Variants in CHIC2 observed in about 807,000 individuals in gnomAD.
The protein encoded by CHIC2 is cysteine rich hydrophobic domain 2.
Under a neutral mutation model 25.9 loss-of-function variants are expected in CHIC2, and 14 were observed. The observed-to-expected ratio is 0.54, with a 90% CI of 0.36 to 0.85. CHIC2 has a LOEUF of 0.85. Ranked by LOEUF, CHIC2 falls within the 40% of genes least tolerant of loss-of-function variation. The pLI is 0.01. For synonymous variants in CHIC2, 70 were observed against 72.0 expected (o/e 0.97, Z 0.14); for missense variants, 146 against 202.0 (o/e 0.72, Z 1.68).
intron 1 of CHIC2, chr4:54,060,962 C>G (rs1717316162): frequency 1.3e-5 from 2 of 152,048 alleles, no homozygotes; most frequent in South Asian, 2.1e-4. Context: ...CCACTTTCCT[C>G]AAAATATGCT....
chr4:54,027,527 C>G (rs1282086533), intron 3 of CHIC2, among the ~76,000 whole-genome samples: 1 of 152,142 alleles, frequency 6.6e-6, no homozygotes, highest in African/African-American at 2.4e-5. Flanking sequence ...ATGTATTCAT[C>G]TAGTTATGAG....
the CHIC2 span, among the ~76,000 whole-genome samples, chr4:54,078,533 T>A: frequency 6.6e-6 from 1 of 152,274 alleles, no homozygotes; most frequent in East Asian, 1.9e-4. Flanking sequence ...TTTATTGTTT[T>A]GAGACAGAGT....
the CHIC2 span, among the ~76,000 whole-genome samples, chr4:54,085,964 G>A: frequency 6.6e-6 from 1 of 151,458 alleles, no homozygotes; most frequent in African/African-American, 2.4e-5. Context: ...AAAACAAAAA[G>A]TCCTATCTAG....
chr4:54,031,426 C>T (rs1332020735), intron 3 of CHIC2, among the ~76,000 whole-genome samples: 2 of 152,008 alleles, frequency 1.3e-5, no homozygotes, highest in Non-Finnish European at 2.9e-5. Flanking sequence ...CAGATGAATA[C>T]ATTTATTCAA....
intron 1 of CHIC2, among the ~76,000 whole-genome samples, chr4:54,058,728 T>C (rs1346248024): frequency 1.3e-5 from 2 of 152,154 alleles, no homozygotes; most frequent in South Asian, 4.1e-4. Flanking sequence ...ACACAGCTAT[T>C]AGAGATTTGA....
the CHIC2 span, among the ~76,000 whole-genome samples, chr4:54,090,056 T>C: frequency 1.3e-5 from 2 of 152,196 alleles, no homozygotes; most frequent in Non-Finnish European, 2.9e-5. Flanking sequence ...TCTTCCAAGA[T>C]ATCTCATTAT....
At chr4:54,047,804 A>T (rs979456775) in intron 3 of CHIC2, among the ~76,000 whole-genome samples, 20 of 151,998 alleles carry the variant, frequency 1.3e-4, no homozygotes, top group Admixed American at 9.2e-4. Flanking sequence ...TATAATAATT[A>T]AAAAAAAGAA....
chr4:54,072,235 G>A, the CHIC2 span, among the ~76,000 whole-genome samples: 3 of 151,892 alleles, frequency 2.0e-5, no homozygotes, highest in South Asian at 6.3e-4. Context: ...CCTGGAAGGG[G>A]AGCTTGCAGT....
chr4:54,014,604 T>C (rs941507938), intron 3 of CHIC2, among the ~76,000 whole-genome samples: 1 of 152,130 alleles, frequency 6.6e-6, no homozygotes, highest in East Asian at 1.9e-4. Flanking sequence ...CTTAAAATAA[T>C]GCCCATATTT....
intron 3 of CHIC2, among the ~76,000 whole-genome samples, chr4:54,022,520 T>A (rs1018718677): frequency 8.5e-5 from 13 of 152,140 alleles, no homozygotes; most frequent in Admixed American, 8.5e-4. Flanking sequence ...CATTCTTTTA[T>A]GCACTCCTTT....
At chr4:54,047,399 C>G (rs1452554056) in intron 3 of CHIC2, among the ~76,000 whole-genome samples, 2 of 152,030 alleles carry the variant, frequency 1.3e-5, no homozygotes, top group Admixed American at 6.6e-5. Flanking sequence ...GGAACCAACC[C>G]AAATGTCCAA....
At chr4:54,069,231 T>A (rs1717573288), upstream of CHIC2, among the ~76,000 whole-genome samples, 1 of 152,118 alleles carries the variant, frequency 6.6e-6, no homozygotes, top group East Asian at 1.9e-4. Context: ...TTTCACCATG[T>A]TGCCCAGGCT....
intron 3 of CHIC2, among the ~76,000 whole-genome samples, chr4:54,042,337 T>C (rs1029844677): frequency 1.3e-5 from 2 of 152,186 alleles, no homozygotes; most frequent in Non-Finnish European, 2.9e-5. Context: ...CAGATTAAAC[T>C]AGCTTAAAAA....
intron 4 of CHIC2, 38 bp downstream of exon 4, chr4:54,014,025 G>A: frequency 6.2e-7 from 1 of 1,608,304 alleles, no homozygotes; most frequent in Non-Finnish European, 8.5e-7. Flanking sequence ...GTGCAATTCA[G>A]ACCCCAACAG....
chr4:54,057,102 A>T (rs1717199916), intron 1 of CHIC2, among the ~76,000 whole-genome samples: 4 of 152,216 alleles, frequency 2.6e-5, no homozygotes, highest in Non-Finnish European at 4.4e-5. Flanking sequence ...AGACCAAAAC[A>T]AACATAAGAA....
chr4:54,043,699 AT>A (rs1716670650), intron 3 of CHIC2, among the ~76,000 whole-genome samples: 1 of 152,238 alleles, frequency 6.6e-6, no homozygotes, highest in South Asian at 2.1e-4. Context: ...CTGCAAAAAC[AT>A]GCCAAATTGT....
the CHIC2 span, among the ~76,000 whole-genome samples, chr4:54,085,947 T>TA: frequency 3.5e-3 from 514 of 146,976 alleles, 2 homozygotes; most frequent in East Asian, 9.7e-3. Context: ...AAATAACAGT[T>TA]AAAAAAAAAA....
chr4:54,036,680 AG>A (rs556575045), intron 3 of CHIC2, among the ~76,000 whole-genome samples: 141 of 152,296 alleles, frequency 9.3e-4, no homozygotes, highest in African/African-American at 3.2e-3. Context: ...ACAAGTATGT[AG>A]CAGAACAGAA....
intron 3 of CHIC2, among the ~76,000 whole-genome samples, chr4:54,015,054 A>C (rs1302828680): frequency 6.6e-6 from 1 of 152,178 alleles, no homozygotes; most frequent in East Asian, 1.9e-4. Flanking sequence ...AACTGTTAGG[A>C]TCAAGCTGGG....
Sources: allele counts gnomAD v4.1 joint callset (sites outside exome capture counted in the v4.1 genomes callset), GRCh38; gene constraint gnomAD v4.1.1; transcripts MANE v1.5; gene names NCBI Gene and HGNC (gene_info 2026-07-23, HGNC 2026-07-21).